The following LY96 variants were observed in gnomAD, a reference collection of about 807,000 sequenced individuals.
The protein encoded by LY96 is lymphocyte antigen 96.
A neutral mutation model predicts 18.9 loss-of-function variants in LY96; 18 were observed. That is an observed-to-expected ratio of 0.95 (90% CI 0.66 to 1.41). The LOEUF is 1.41. Ranked by LOEUF, LY96 falls within the 40% of genes most tolerant of loss-of-function variation. The pLI is 0.00. For synonymous variants in LY96, 66 were observed against 62.6 expected (o/e 1.06, Z -0.26); for missense variants, 175 against 182.4 (o/e 0.96, Z 0.23).
At chr8:74,030,142 C>T (rs1258069476), downstream of LY96, among the ~76,000 whole-genome samples, 1 of 152,126 alleles carries the variant, frequency 6.6e-6, no homozygotes, top group Non-Finnish European at 1.5e-5. Flanking sequence ...TGAATATATA[C>T]TCCATAAATT....
rs750965347 is a variant in LY96, at chr8:74,004,863, A to G, written c.180A>G (p.Leu60=). ...TAGAATTGAAAAGATCCAAAGGATT[A>G]TTGCACATTTTCTACATTCCAAGTA... ...PCIELKRSKG[L]LHIFYIPRRD... Residue 60 remains leucine, a synonymous_variant, in exon 2 of 5, where the codon TTA becomes TTG. Transcript: ENST00000284818. 3 of 1,591,914 alleles carry G rather than the reference A, an allele frequency of 1.9e-6. No individual in the cohort carries two copies. The highest frequency in any genetic ancestry group is 1.7e-6 in the Non-Finnish European group (2 of 1,162,316).
At chr8:74,080,836 C>T in the LY96 span, among the ~76,000 whole-genome samples, 1 of 152,188 alleles carries the variant, frequency 6.6e-6, no homozygotes, top group South Asian at 2.1e-4. Context: ...AGCTCGATTT[C>T]CTTTAAGGCT....
At chr8:74,071,904 T>C in the LY96 span, among the ~76,000 whole-genome samples, 11 of 152,332 alleles carry the variant, frequency 7.2e-5, no homozygotes, top group Middle Eastern at 3.4e-3. Flanking sequence ...AATTTATTTA[T>C]TTATGCATTT....
At chr8:74,053,055 C>T in the LY96 span, among the ~76,000 whole-genome samples, 5 of 152,216 alleles carry the variant, frequency 3.3e-5, no homozygotes, top group East Asian at 5.8e-4. Flanking sequence ...GCACATCCCA[C>T]GGCCCCTGAA....
At chr8:74,067,693 G>A in the LY96 span, among the ~76,000 whole-genome samples, 2 of 152,046 alleles carry the variant, frequency 1.3e-5, no homozygotes, top group South Asian at 4.1e-4. Context: ...AGATGGAGGC[G>A]TTGAGGTGTA....
chr8:74,017,364 T>G (rs886607624), intron 3 of LY96, among the ~76,000 whole-genome samples: 5 of 152,030 alleles, frequency 3.3e-5, no homozygotes, highest in African/African-American at 1.2e-4. Flanking sequence ...AAAAGAGTAG[T>G]AAGAAATGAA....
the LY96 span, among the ~76,000 whole-genome samples, chr8:74,086,410 C>T: frequency 1.3e-5 from 2 of 152,200 alleles, no homozygotes; most frequent in African/African-American, 4.8e-5. Context: ...ATTCTTTGCT[C>T]ATTGAAGACT....
the LY96 span, among the ~76,000 whole-genome samples, chr8:74,082,119 G>A: frequency 6.6e-6 from 1 of 152,012 alleles, no homozygotes; most frequent in Non-Finnish European, 1.5e-5. Flanking sequence ...TTATCCAGTT[G>A]TCCACAATGC....
the LY96 span, among the ~76,000 whole-genome samples, chr8:74,069,077 C>A: frequency 6.6e-6 from 1 of 152,126 alleles, no homozygotes; most frequent in Non-Finnish European, 1.5e-5. Flanking sequence ...TGAGCCATTG[C>A]GCCTGGCCAG....
At chr8:74,077,315 C>T in the LY96 span, among the ~76,000 whole-genome samples, 1 of 152,150 alleles carries the variant, frequency 6.6e-6, no homozygotes, top group Non-Finnish European at 1.5e-5. Context: ...TTATGAATAA[C>T]AAAAGACACT....
At chr8:74,000,830 T>C (rs1816247461) in intron 1 of LY96, among the ~76,000 whole-genome samples, 1 of 152,250 alleles carries the variant, frequency 6.6e-6, no homozygotes, top group African/African-American at 2.4e-5. Context: ...AGCAATGGTC[T>C]TCTTGCTGCA....
intron 2 of LY96, 117 bp from the exon 3 acceptor site, chr8:74,009,884 T>G (rs1265493067): frequency 1.3e-6 from 1 of 748,190 alleles, no homozygotes; most frequent in Non-Finnish European, 2.3e-6. Context: ...GTTGTGATGA[T>G]TAAATGAAAT....
In LY96 at chr8:74,008,938, G is replaced by T. The variant is rs548045177; in HGVS notation, c.203-1063G>T. Among the ~76,000 whole-genome samples, 5 of 152,276 alleles carry T rather than the reference G, an allele frequency of 3.3e-5. No homozygotes were observed. In the East Asian group the frequency reaches 9.7e-4, roughly 29 times the overall value. ...AGTGGTTGCACCAACACCAAAGAAG[G>T]TTTAGGGAAAGGAGCAGGCAGTTCT... is the stretch of plus-strand genomic sequence containing the variant. On this transcript the variant is annotated intron_variant, in intron 2 of 4. Coordinates refer to ENST00000284818, the MANE Select transcript of LY96 (RefSeq NM_015364.5).
At chr8:74,084,615 C>G in the LY96 span, among the ~76,000 whole-genome samples, 1 of 152,084 alleles carries the variant, frequency 6.6e-6, no homozygotes. Context: ...ATCTCTCTCT[C>G]TCTTTTTTCT....
chr8:74,058,834 A>G, the LY96 span, among the ~76,000 whole-genome samples: 2 of 152,122 alleles, frequency 1.3e-5, no homozygotes, highest in Non-Finnish European at 2.9e-5. Context: ...GAGATTTATT[A>G]TAAGATATTG....
chr8:74,035,214 T>G, the LY96 span, among the ~76,000 whole-genome samples: 3 of 152,294 alleles, frequency 2.0e-5, no homozygotes, highest in East Asian at 3.9e-4. Context: ...TGGCTTTTTA[T>G]GTAAAAACTT....
At chr8:74,091,576 T>C in the LY96 span, among the ~76,000 whole-genome samples, 9 of 152,202 alleles carry the variant, frequency 5.9e-5, no homozygotes, top group African/African-American at 1.4e-4. Flanking sequence ...GATATGGCTC[T>C]CCTGAAATGG....
the LY96 span, among the ~76,000 whole-genome samples, chr8:74,073,786 C>T: frequency 6.6e-6 from 1 of 151,594 alleles, no homozygotes; most frequent in African/African-American, 2.4e-5. Context: ...GCCTCAGCCT[C>T]CTGCCTGGCT....
At chr8:74,033,232 C>T (rs781436976), downstream of LY96, among the ~76,000 whole-genome samples, 1 of 151,724 alleles carries the variant, frequency 6.6e-6, no homozygotes, top group Non-Finnish European at 1.5e-5. Flanking sequence ...GAGCTCACCC[C>T]AGAACAGTGA....
Sources: gnomAD v4.1 joint callset for allele counts (sites outside exome capture counted in the v4.1 genomes callset) on GRCh38, gnomAD v4.1.1 for gene constraint, MANE v1.5 for transcripts, NCBI Gene and HGNC (gene_info 2026-07-23, HGNC 2026-07-21) for gene names.